RBFOX1: variants seen among roughly 807,000 people sequenced by gnomAD.
RBFOX1 encodes the protein RNA binding fox-1 homolog 1.
Under a neutral mutation model 57.7 loss-of-function variants are expected in RBFOX1, and 8 were observed. The ratio of observed to expected loss-of-function variants is 0.14; its 90% CI spans 0.08 to 0.25. RBFOX1 has a LOEUF of 0.25. RBFOX1 is among the 10% of genes least tolerant of loss of function. RBFOX1 has a pLI of 1.00. For synonymous variants in RBFOX1, 326 were observed against 222.4 expected (o/e 1.47, Z -4.15); for missense variants, 611 against 548.5 (o/e 1.11, Z -1.14).
intron 3 of RBFOX1, among the ~76,000 whole-genome samples, chr16:6,769,911 G>A (rs1032569346): frequency 6.6e-6 from 1 of 152,144 alleles, no homozygotes; most frequent in African/African-American, 2.4e-5. Context: ...TTTCTCATAA[G>A]TCTGTTGTTT....
In RBFOX1 at chr16:7,139,014, G is replaced by A. The variant is rs575418345; in HGVS notation, c.27+86916G>A. Among the ~76,000 whole-genome samples the A allele has an allele frequency of 4.6e-5, 7 of 152,188 alleles. No individual in the cohort carries two copies. In the South Asian group the frequency reaches 1.5e-3, roughly 32 times the overall value. On this transcript the variant is annotated intron_variant, in intron 4 of 15. Coordinates refer to ENST00000550418, the MANE Select transcript of RBFOX1 (RefSeq NM_018723.4). The stretch of plus-strand genomic sequence containing the variant: ...AGACAGGTTTTTACCATTTTGAGCA[G>A]GCTGGTCTCAAACTCCTGGCCCCAA...
chr16:5,794,443 T>C (rs1361759371), intron 3 of RBFOX1, among the ~76,000 whole-genome samples: 3 of 152,240 alleles, frequency 2.0e-5, no homozygotes, highest in Non-Finnish European at 4.4e-5. Context: ...CTATAAAATA[T>C]TACAAACACC....
intron 4 of RBFOX1, among the ~76,000 whole-genome samples, chr16:5,925,396 A>G (rs886290638): frequency 9.8e-5 from 15 of 152,296 alleles, no homozygotes; most frequent in Non-Finnish European, 1.5e-4. Context: ...AGTAGAAAAA[A>G]CTAGACCTGA....
chr16:6,564,724 A>C (rs908659733), intron 2 of RBFOX1, among the ~76,000 whole-genome samples: 12 of 152,220 alleles, frequency 7.9e-5, no homozygotes, highest in Non-Finnish European at 1.6e-4. Context: ...CTTGTTCCCC[A>C]GTGTGGGTGG....
At chr16:6,121,004 A>T (rs888303729) in intron 1 of RBFOX1, among the ~76,000 whole-genome samples, 2 of 152,216 alleles carry the variant, frequency 1.3e-5, no homozygotes, top group African/African-American at 4.8e-5. Context: ...TTGATCTTAC[A>T]TGAATGCATT....
intron 10 of RBFOX1, among the ~76,000 whole-genome samples, chr16:7,619,814 C>G (rs560427548): frequency 1.3e-5 from 2 of 151,882 alleles, no homozygotes; most frequent in African/African-American, 4.8e-5. Flanking sequence ...TTTTTAGGAA[C>G]AAGCTATGAC....
At chr16:6,904,506 C>G (rs1302023421) in intron 3 of RBFOX1, among the ~76,000 whole-genome samples, 1 of 143,168 alleles carries the variant, frequency 7.0e-6, no homozygotes, top group Admixed American at 7.4e-5. Context: ...GAGGCCGAGG[C>G]AGGAGAATTG....
chr16:5,540,915 T>C (rs1158970876), intron 2 of RBFOX1, among the ~76,000 whole-genome samples: 1 of 151,818 alleles, frequency 6.6e-6, no homozygotes, highest in African/African-American at 2.4e-5. Flanking sequence ...AGTGGTGTGA[T>C]CTCGGCTCAC....
intron 2 of RBFOX1, among the ~76,000 whole-genome samples, chr16:6,576,280 A>C (rs2097434693): frequency 6.6e-6 from 1 of 152,036 alleles, no homozygotes; most frequent in African/African-American, 2.4e-5. Context: ...TGACACACAC[A>C]CTCACTCATG....
chr16:5,642,169 T>A lies in RBFOX1; in HGVS notation c.318+43208T>A, dbSNP rs2048900453. Among the ~76,000 whole-genome samples, 2 of 152,188 alleles carry A rather than the reference T, an allele frequency of 1.3e-5. 1 individual carries two copies. The highest frequency in any genetic ancestry group is 4.1e-4 in the South Asian group (2 of 4,832). ...AGAGGCCATGTGCTCATTGAATCAGTCTGTCGGGGAGCAGTTTTGATCCCT... is the reference window on the plus strand; with the variant it reads ...AGAGGCCATGTGCTCATTGAATCAGACTGTCGGGGAGCAGTTTTGATCCCT... On this transcript the variant is annotated intron_variant, in intron 3 of 19. Transcript: ENST00000641259.
At chr16:6,904,758 G>T (rs1036369387) in intron 3 of RBFOX1, among the ~76,000 whole-genome samples, 7 of 152,098 alleles carry the variant, frequency 4.6e-5, no homozygotes, top group Middle Eastern at 3.2e-3. Flanking sequence ...CTGCTGGGAA[G>T]GCCAGTTCAC....
At chr16:6,917,929 G>T (rs995925666) in intron 3 of RBFOX1, among the ~76,000 whole-genome samples, 4 of 152,142 alleles carry the variant, frequency 2.6e-5, no homozygotes, top group African/African-American at 9.7e-5. Flanking sequence ...TCCCTTTAGG[G>T]TGTTCTTACT....
At chr16:6,539,925 C>T (rs543732807) in intron 2 of RBFOX1, among the ~76,000 whole-genome samples, 8 of 152,120 alleles carry the variant, frequency 5.3e-5, no homozygotes, top group African/African-American at 1.9e-4. Flanking sequence ...GGCAAGGTAA[C>T]TTTAAATGGT....
rs188762256 is a variant in RBFOX1 at position 6,418,309 on chromosome 16, C to T, written c.-64+101252C>T. On this transcript the variant is annotated intron_variant, in intron 2 of 15. Coordinates refer to ENST00000550418, the MANE Select transcript of RBFOX1 (RefSeq NM_018723.4). ...CCTTTAACCACTTTGTAGAACCATT[C>T]TCATTATAGTAATGGAGAAAGAACA... Among the ~76,000 whole-genome samples, 1,292 of 152,198 alleles carry T rather than the reference C, an allele frequency of 8.5e-3. 11 individuals carry two copies. The highest frequency in any genetic ancestry group is 0.014 in the Non-Finnish European group (978 of 68,022).
chr16:5,260,176 G>A (rs761645826), intron 1 of RBFOX1, among the ~76,000 whole-genome samples: 70 of 152,182 alleles, frequency 4.6e-4, no homozygotes, highest in Middle Eastern at 6.8e-3. Context: ...CTCCAATGTG[G>A]GTGACGATTG....
At chr16:7,127,648 T>G (rs1184297611) in intron 4 of RBFOX1, among the ~76,000 whole-genome samples, 1 of 152,062 alleles carries the variant, frequency 6.6e-6, no homozygotes, top group Non-Finnish European at 1.5e-5. Flanking sequence ...GACAATTGTG[T>G]GGTGATGATT....
intron 4 of RBFOX1, among the ~76,000 whole-genome samples, chr16:7,106,984 A>AAAC (rs529197707): frequency 1.3e-5 from 2 of 148,508 alleles, no homozygotes; most frequent in East Asian, 4.0e-4. Context: ...ACACAGTTAA[A>AAAC]ACACACACAC....
intron 4 of RBFOX1, among the ~76,000 whole-genome samples, chr16:5,965,244 G>T (rs945881591): frequency 6.6e-5 from 10 of 152,178 alleles, no homozygotes; most frequent in Admixed American, 5.9e-4. Context: ...AGTGACTATA[G>T]TTAATAATAA....
intron 11 of RBFOX1, among the ~76,000 whole-genome samples, chr16:7,651,947 G>A (rs914158275): frequency 5.3e-5 from 8 of 152,100 alleles, no homozygotes; most frequent in Admixed American, 1.3e-4. Context: ...TTAGAGAAGC[G>A]AACTGAGCTT....
Sources: allele counts gnomAD v4.1 joint callset (sites outside exome capture counted in the v4.1 genomes callset), GRCh38; gene constraint gnomAD v4.1.1; transcripts MANE v1.5; gene names NCBI Gene and HGNC (gene_info 2026-07-23, HGNC 2026-07-21).